ERC2: variants seen among roughly 807,000 people sequenced by gnomAD.
ERC2 encodes ERC protein 2.
Under a neutral mutation model 114.8 loss-of-function variants are expected in ERC2, and 42 were observed. The ratio of observed to expected loss-of-function variants is 0.37; its 90% CI spans 0.29 to 0.47. ERC2 has a LOEUF of 0.47. Among genes scored for constraint, ERC2 ranks in the 20% least tolerant of loss-of-function variants. The pLI is 0.99. For missense variants in ERC2, 939 were observed against 1,150.7 expected, an observed-to-expected ratio of 0.82 and a Z score of 2.66; for synonymous variants, 454 against 425.5, an observed-to-expected ratio of 1.07 and a Z score of -0.82.
intron 2 of ERC2, among the ~76,000 whole-genome samples, chr3:56,394,439 C>A (rs1249890322): frequency 6.6e-6 from 1 of 152,160 alleles, no homozygotes; most frequent in Non-Finnish European, 1.5e-5. Context: ...TCTGACCTGT[C>A]TGACTTTTTA....
chr3:56,154,193 C>T (rs929339419), intron 4 of ERC2, among the ~76,000 whole-genome samples: 1 of 151,958 alleles, frequency 6.6e-6, no homozygotes, highest in African/African-American at 2.4e-5. Context: ...TATATGAGCC[C>T]AAGTTAGACA....
chr3:55,800,344 T>C (rs1314148712), intron 14 of ERC2, among the ~76,000 whole-genome samples: 3 of 151,966 alleles, frequency 2.0e-5, no homozygotes, highest in African/African-American at 7.2e-5. Context: ...GGGTTTCACC[T>C]TGTTGGTCAG....
chr3:55,735,405 G>A (rs2065570342), intron 14 of ERC2, among the ~76,000 whole-genome samples: 1 of 152,162 alleles, frequency 6.6e-6, no homozygotes, highest in Admixed American at 6.5e-5. Context: ...GTACTAACAT[G>A]GCAAGAAAAG....
rs149324395 is a variant in ERC2 at position 56,043,622 on chromosome 3, T to C, written c.1642-24591A>G. Among the ~76,000 whole-genome samples, 375 of 152,312 alleles carry C rather than the reference T, an allele frequency of 2.5e-3. 1 individual carries two copies. The highest frequency in any genetic ancestry group is 8.6e-3 in the African/African-American group (359 of 41,578). On this transcript the variant is annotated intron_variant, in intron 7 of 17. Transcript: ENST00000288221. ...ATGAAAACCACATGCAAATGACTGA[T>C]TCTGAGAAATATATCACAGATCTTC...
At chr3:55,852,872 T>C (rs976205951) in intron 14 of ERC2, among the ~76,000 whole-genome samples, 2 of 152,204 alleles carry the variant, frequency 1.3e-5, no homozygotes, top group African/African-American at 4.8e-5. Flanking sequence ...TAGCCCTTTA[T>C]AGGAGTTTTT....
intron 14 of ERC2, among the ~76,000 whole-genome samples, chr3:55,800,104 C>T (rs1206816390): frequency 6.6e-6 from 1 of 151,930 alleles, no homozygotes; most frequent in South Asian, 2.1e-4. Flanking sequence ...GCTATAGCAG[C>T]TTTCTTTCTT....
intron 17 of ERC2, among the ~76,000 whole-genome samples, chr3:55,536,526 C>T (rs939859891): frequency 1.3e-5 from 2 of 152,218 alleles, no homozygotes; most frequent in Admixed American, 1.3e-4. Context: ...GCTGAGCTGA[C>T]TTGATGCAGG....
chr3:55,552,761 T>C (rs771189554), intron 17 of ERC2, among the ~76,000 whole-genome samples: 72 of 151,946 alleles, frequency 4.7e-4, no homozygotes, highest in Non-Finnish European at 6.2e-4. Context: ...AATGGAGTTC[T>C]CCTCTAGGGA....
intron 12 of ERC2, among the ~76,000 whole-genome samples, chr3:55,970,103 G>T (rs1370853709): frequency 1.3e-5 from 2 of 152,054 alleles, no homozygotes; most frequent in Admixed American, 6.5e-5. Context: ...TGGGGTCAAG[G>T]TTCGCTTTAT....
chr3:55,920,259 T>A (rs1217881592), intron 13 of ERC2, among the ~76,000 whole-genome samples: 1 of 152,132 alleles, frequency 6.6e-6, no homozygotes, highest in East Asian at 1.9e-4. Flanking sequence ...GTTGGGTAAA[T>A]GGATTTCATT....
intron 2 of ERC2, among the ~76,000 whole-genome samples, chr3:56,407,071 TC>T (rs1172438698): frequency 6.6e-6 from 1 of 152,152 alleles, no homozygotes; most frequent in Non-Finnish European, 1.5e-5. Context: ...TTTTTATTAT[TC>T]TGAGCCACAT....
At chr3:55,547,812 TA>T (rs2054864839) in intron 17 of ERC2, among the ~76,000 whole-genome samples, 1 of 152,206 alleles carries the variant, frequency 6.6e-6, no homozygotes, top group South Asian at 2.1e-4. Flanking sequence ...AAGCGTTTTA[TA>T]AGACCCTCAA....
chr3:55,751,162 A>G (rs765207561), intron 14 of ERC2, among the ~76,000 whole-genome samples: 1 of 152,226 alleles, frequency 6.6e-6, no homozygotes, highest in Non-Finnish European at 1.5e-5. Flanking sequence ...TTTCCTTGTG[A>G]AAAGTGTTTG....
intron 7 of ERC2, among the ~76,000 whole-genome samples, chr3:56,023,686 G>C (rs1302338273): frequency 6.6e-6 from 1 of 151,794 alleles, no homozygotes; most frequent in Non-Finnish European, 1.5e-5. Context: ...CAAGAGCTCT[G>C]TTCTACTCAC....
intron 2 of ERC2, among the ~76,000 whole-genome samples, chr3:56,401,325 G>A (rs975855116): frequency 1.1e-4 from 17 of 152,156 alleles, no homozygotes; most frequent in Non-Finnish European, 1.5e-5. Context: ...TAAAAGAGTG[G>A]TTGACTTAAA....
chr3:55,872,601 G>A (rs771866601), intron 14 of ERC2, among the ~76,000 whole-genome samples: 1 of 151,318 alleles, frequency 6.6e-6, no homozygotes, highest in African/African-American at 2.4e-5. Context: ...ATTATAAAAG[G>A]TTCATATTGG....
intron 3 of ERC2, among the ~76,000 whole-genome samples, chr3:56,227,280 A>G (rs922580594): frequency 1.3e-5 from 2 of 152,136 alleles, no homozygotes; most frequent in African/African-American, 4.8e-5. Flanking sequence ...TGAATTCACT[A>G]TAATGTGGAA....
At chr3:56,408,678 T>C (rs2060820458) in intron 2 of ERC2, among the ~76,000 whole-genome samples, 1 of 152,136 alleles carries the variant, frequency 6.6e-6, no homozygotes, top group South Asian at 2.1e-4. Context: ...AACAGACGAA[T>C]AAGCAAAGAC....
intron 2 of ERC2, among the ~76,000 whole-genome samples, chr3:56,433,279 G>A (rs1389396305): frequency 6.6e-6 from 1 of 151,362 alleles, no homozygotes; most frequent in Non-Finnish European, 1.5e-5. Flanking sequence ...AAAAATAGCA[G>A]CATTTTAGGA....
Sources: gnomAD v4.1 joint callset for allele counts (sites outside exome capture counted in the v4.1 genomes callset) on GRCh38, gnomAD v4.1.1 for gene constraint, MANE v1.5 for transcripts, NCBI Gene and HGNC (gene_info 2026-07-23, HGNC 2026-07-21) for gene names.